Variants in CACNB2 observed in about 807,000 individuals in gnomAD.
CACNB2 encodes the protein voltage-dependent L-type calcium channel subunit beta-2.
In CACNB2, 42 loss-of-function variants were observed where a neutral mutation model predicts 73.3. The ratio of observed to expected loss-of-function variants is 0.57; its 90% CI spans 0.45 to 0.74. CACNB2 has a LOEUF of 0.74. Ranked by LOEUF, CACNB2 falls within the 30% of genes least tolerant of loss-of-function variation. The pLI is 0.00. For synonymous variants in CACNB2, 348 were observed against 310.3 expected, an observed-to-expected ratio of 1.12 and a Z score of -1.28; for missense variants, 940 against 853.0, an observed-to-expected ratio of 1.10 and a Z score of -1.27.
chr10:18,480,274 G>GT (rs201911567), intron 3 of CACNB2, among the ~76,000 whole-genome samples: 32 of 151,490 alleles, frequency 2.1e-4, no homozygotes, highest in African/African-American at 4.4e-4. Flanking sequence ...ACTTTTAATT[G>GT]TTTTTTTAAT....
At chr10:18,207,309 G>T (rs2035135614) in intron 2 of CACNB2, among the ~76,000 whole-genome samples, 1 of 152,126 alleles carries the variant, frequency 6.6e-6, no homozygotes, top group East Asian at 1.9e-4. Context: ...AAAATGCTGG[G>T]ATTACAGGCA....
At position 18,186,899 on chromosome 10, in the gene CACNB2, A is replaced by ACAC. The variant is rs2034179640; in HGVS notation, c.213+35925_213+35926insACC. On this transcript the variant is annotated intron_variant, in intron 2 of 13. Coordinates refer to ENST00000324631, the MANE Select transcript of CACNB2 (RefSeq NM_201596.3). ...AAACGAATGGGGCAGCTTTTGTACA[A>ACAC]CTGTCACTATGTAGCGCCCTAGGGG... Among the ~76,000 whole-genome samples the ACAC allele has an allele frequency of 4.6e-5, 7 of 152,320 alleles. No individual in the cohort carries two copies. In the South Asian group the frequency reaches 1.4e-3, roughly 32 times the overall value.
In CACNB2 at chr10:18,281,928, C is replaced by T. The variant is rs184885826; in HGVS notation, c.214-119996C>T. Among the ~76,000 whole-genome samples, 125 of 139,518 alleles carry T rather than the reference C, an allele frequency of 9.0e-4. 1 individual carries two copies. Among genetic ancestry groups the T allele is most frequent in the African/African-American group, 3.2e-3 (118 of 37,168 alleles). 91.5% of individuals were successfully genotyped at this position (139,518 alleles called of 152,430 possible). On this transcript the variant is annotated intron_variant, in intron 2 of 13. Coordinates refer to ENST00000324631, the MANE Select transcript of CACNB2 (RefSeq NM_201596.3). ...TCAGGAGCTGGAGGTTGCAGTGAGC[C>T]GAGATGGTGCCACTGCATTCCAGCC...
At chr10:18,412,824 C>T (rs1454867254) in intron 3 of CACNB2, among the ~76,000 whole-genome samples, 3 of 152,240 alleles carry the variant, frequency 2.0e-5, no homozygotes, top group African/African-American at 4.8e-5. Flanking sequence ...CCAGACTGAG[C>T]TCTGTAGAGC....
intron 2 of CACNB2, among the ~76,000 whole-genome samples, chr10:18,164,260 A>G (rs760445965): frequency 4.6e-5 from 7 of 152,276 alleles, no homozygotes; most frequent in African/African-American, 1.4e-4. Flanking sequence ...AACTTATGTA[A>G]AGCCCTTTGA....
At chr10:18,323,627 G>C (rs2040476453) in intron 2 of CACNB2, among the ~76,000 whole-genome samples, 1 of 152,104 alleles carries the variant, frequency 6.6e-6, no homozygotes, top group Non-Finnish European at 1.5e-5. Context: ...TGGAATTAGA[G>C]ATTATTCTCC....
At chr10:18,331,010 C>T (rs999939314) in intron 2 of CACNB2, among the ~76,000 whole-genome samples, 5 of 134,842 alleles carry the variant, frequency 3.7e-5, no homozygotes, top group South Asian at 2.5e-4. Context: ...TTTTGGAAAC[C>T]GAGTCTCACT....
At chr10:18,254,778 C>T (rs1427626852) in intron 2 of CACNB2, among the ~76,000 whole-genome samples, 1 of 152,196 alleles carries the variant, frequency 6.6e-6, no homozygotes, top group Non-Finnish European at 1.5e-5. Context: ...AATAGAAGTA[C>T]ACTGGCACTG....
chr10:18,160,160 G>T (rs2068357), intron 2 of CACNB2, among the ~76,000 whole-genome samples: 40,529 of 151,718 alleles, frequency 0.27, 5,458 homozygotes, highest in East Asian at 0.36. Context: ...AACATGTCTC[G>T]TTGAACATAA....
intron 3 of CACNB2, among the ~76,000 whole-genome samples, chr10:18,424,293 T>A (rs2045481530): frequency 6.6e-6 from 1 of 152,142 alleles, no homozygotes; most frequent in South Asian, 2.1e-4. Flanking sequence ...GGCTACCCTG[T>A]AGGCAGAGAG....
intron 12 of CACNB2, 47 bp downstream of exon 12, chr10:18,536,243 C>CTTTTCTTTTTTTTTTTTTTTTTTTTTTT (rs1327787339): frequency 2.5e-5 from 7 of 283,214 alleles, no homozygotes; most frequent in African/African-American, 6.5e-5. Context: ...GAGATCAGAC[C>CTTTTCTTTTTTTTTTTTTTTTTTTTTTT]TTTTTTTTTT....
chr10:18,208,592 A>T (rs2035192301), intron 2 of CACNB2, among the ~76,000 whole-genome samples: 1 of 152,152 alleles, frequency 6.6e-6, no homozygotes, highest in South Asian at 2.1e-4. Flanking sequence ...AGCCTGTGCA[A>T]CAGAGTGAGA....
At chr10:18,276,818 G>T (rs1353428067) in intron 2 of CACNB2, among the ~76,000 whole-genome samples, 1 of 151,834 alleles carries the variant, frequency 6.6e-6, no homozygotes, top group African/African-American at 2.4e-5. Flanking sequence ...ACCTCAGACA[G>T]TCCACCCACT....
chr10:18,261,522 T>C (rs1434666910), intron 2 of CACNB2, among the ~76,000 whole-genome samples: 2 of 152,190 alleles, frequency 1.3e-5, no homozygotes, highest in Non-Finnish European at 2.9e-5. Context: ...TTTTTATCTG[T>C]CTTTTGTGCC....
intron 2 of CACNB2, among the ~76,000 whole-genome samples, chr10:18,310,819 G>T (rs929605900): frequency 6.6e-6 from 1 of 151,632 alleles, no homozygotes; most frequent in Non-Finnish European, 1.5e-5. Flanking sequence ...CTGACCTCAA[G>T]TCATCCACCC....
rs112519015 is a variant in CACNB2, at chr10:18,175,241, C to T, written c.213+24266C>T. On this transcript the variant is annotated intron_variant, in intron 2 of 13. Coordinates refer to ENST00000324631, the MANE Select transcript of CACNB2 (RefSeq NM_201596.3). ...TATTTACAGCAACAGATAGTCATTG[C>T]GTCTTTCGTTGTCCACACTGGTACC... Among the ~76,000 whole-genome samples the T allele has an allele frequency of 6.4e-3, 971 of 152,248 alleles. 12 individuals are homozygous for T. The highest frequency in any genetic ancestry group is 0.02 in the African/African-American group (849 of 41,546).
chr10:18,152,828 A>G (rs1427038306), intron 2 of CACNB2, among the ~76,000 whole-genome samples: 2 of 151,938 alleles, frequency 1.3e-5, no homozygotes, highest in African/African-American at 2.4e-5. Context: ...GGAAAGAAAA[A>G]CTGATATGTT....
rs575737992 is a variant in CACNB2, at chr10:18,495,235, T to C, written c.334-3120T>C. 1.4e-4 allele frequency among the ~76,000 whole-genome samples: 21 copies of C among 151,570 alleles called. No individual in the cohort carries two copies. The Middle Eastern group carries it at 0.024, about 172-fold the overall frequency. ...TTGAGGGAGTCTTTTTTTTTTTTTT[T>C]AGATAGAGTCTCACTCTATCACCCA... On this transcript the variant is annotated intron_variant, in intron 3 of 13. Transcript: ENST00000324631.
chr10:18,416,254 A>G (rs1386505007), intron 3 of CACNB2, among the ~76,000 whole-genome samples: 4 of 152,132 alleles, frequency 2.6e-5, no homozygotes, highest in Non-Finnish European at 4.4e-5. Flanking sequence ...GATATCCTCA[A>G]GATTCATCTA....
Sources: allele counts gnomAD v4.1 joint callset (sites outside exome capture counted in the v4.1 genomes callset), GRCh38; gene constraint gnomAD v4.1.1; transcripts MANE v1.5; gene names NCBI Gene and HGNC (gene_info 2026-07-23, HGNC 2026-07-21).